The following CCDC178 variants were observed in gnomAD, a reference collection of about 807,000 sequenced individuals.
The protein encoded by CCDC178 is coiled-coil domain-containing protein 178.
In CCDC178, 126 loss-of-function variants were observed where a neutral mutation model predicts 117.4. The ratio of observed to expected loss-of-function variants is 1.07; its 90% CI spans 0.93 to 1.24. The LOEUF is 1.24. Ranked by LOEUF, CCDC178 falls within the 50% of genes most tolerant of loss-of-function variation. CCDC178 has a pLI of 0.00. For synonymous variants in CCDC178, 283 were observed against 313.4 expected, an observed-to-expected ratio of 0.90 and a Z score of 1.02; for missense variants, 1,030 against 986.9, an observed-to-expected ratio of 1.04 and a Z score of -0.59.
chr18:33,436,767 T>G (rs1337760674), intron 2 of CCDC178, among the ~76,000 whole-genome samples: 1 of 152,200 alleles, frequency 6.6e-6, no homozygotes, highest in African/African-American at 2.4e-5. Context: ...TAAAGGCTGG[T>G]AACATAGCTA....
At chr18:33,019,397 G>A (rs191702099) in intron 21 of CCDC178, among the ~76,000 whole-genome samples, 79 of 152,274 alleles carry the variant, frequency 5.2e-4, no homozygotes, top group African/African-American at 1.7e-3. Flanking sequence ...AAACCCAGTT[G>A]AAGAACAGCT....
intron 20 of CCDC178, among the ~76,000 whole-genome samples, chr18:33,137,771 A>T (rs2058147029): frequency 6.6e-6 from 1 of 152,228 alleles, no homozygotes; most frequent in South Asian, 2.1e-4. Context: ...ACCATCACAG[A>T]CATAGCTACT....
intron 2 of CCDC178, among the ~76,000 whole-genome samples, chr18:33,439,510 A>G (rs2064347344): frequency 6.6e-6 from 1 of 152,248 alleles, no homozygotes; most frequent in African/African-American, 2.4e-5. Context: ...GAAGTATTAT[A>G]TATTCAAGAT....
chr18:33,399,722 T>C (rs1425767313), intron 3 of CCDC178, among the ~76,000 whole-genome samples: 1 of 152,160 alleles, frequency 6.6e-6, no homozygotes, highest in Non-Finnish European at 1.5e-5. Context: ...CTTCAGTAAC[T>C]TCCTCCACTG....
At chr18:33,124,326 T>C (rs1187554580) in intron 20 of CCDC178, among the ~76,000 whole-genome samples, 1 of 152,204 alleles carries the variant, frequency 6.6e-6, no homozygotes, top group Non-Finnish European at 1.5e-5. Flanking sequence ...GTTGGTCTCA[T>C]GGCTGCTGGT....
intron 10 of CCDC178, chr18:33,328,114 T>G: frequency 3.4e-6 from 1 of 295,298 alleles, no homozygotes; most frequent in Non-Finnish European, 6.0e-6. Context: ...TTTTTTTTTT[T>G]TTTTTTGAGA....
chr18:33,045,125 A>G (rs1459809068), intron 21 of CCDC178, among the ~76,000 whole-genome samples: 1 of 152,170 alleles, frequency 6.6e-6, no homozygotes, highest in Admixed American at 6.6e-5. Context: ...AGAAATGCAT[A>G]TGTATGTAAG....
At chr18:33,239,775 C>G (rs1053900259) in intron 15 of CCDC178, among the ~76,000 whole-genome samples, 4 of 151,610 alleles carry the variant, frequency 2.6e-5, no homozygotes, top group African/African-American at 9.7e-5. Flanking sequence ...ATGTTAACAA[C>G]CCACTCTCAG....
chr18:33,163,605 T>C (rs1477092374), intron 20 of CCDC178, among the ~76,000 whole-genome samples: 2 of 152,202 alleles, frequency 1.3e-5, no homozygotes, highest in East Asian at 3.8e-4. Context: ...TCAATTCTGC[T>C]CTTCAGTACC....
At chr18:33,354,778 T>A (rs1427375858) in intron 7 of CCDC178, among the ~76,000 whole-genome samples, 1 of 151,968 alleles carries the variant, frequency 6.6e-6, no homozygotes, top group Non-Finnish European at 1.5e-5. Flanking sequence ...GCGCAGCTAA[T>A]TTTTGTATTT....
chr18:33,433,983 A>T (rs750251738), intron 2 of CCDC178, among the ~76,000 whole-genome samples: 3 of 152,170 alleles, frequency 2.0e-5, no homozygotes, highest in Non-Finnish European at 4.4e-5. Context: ...GACTAAGCAA[A>T]GATCTCAATA....
chr18:33,037,972 T>G (rs1483335441), intron 21 of CCDC178, among the ~76,000 whole-genome samples: 1 of 152,002 alleles, frequency 6.6e-6, no homozygotes, highest in African/African-American at 2.4e-5. Flanking sequence ...AATTTGAATT[T>G]CTCTTAATTC....
intron 21 of CCDC178, among the ~76,000 whole-genome samples, chr18:33,067,941 GAA>G (rs1360362626): frequency 1.3e-5 from 2 of 151,556 alleles, no homozygotes; most frequent in Non-Finnish European, 2.9e-5. Context: ...TAGAGACAAA[GAA>G]AAAAAGAGTG....
At chr18:33,039,035 G>T (rs1448904579) in intron 21 of CCDC178, among the ~76,000 whole-genome samples, 1 of 151,898 alleles carries the variant, frequency 6.6e-6, no homozygotes, top group South Asian at 2.1e-4. Flanking sequence ...TATGTATAAA[G>T]TATTTTAAAA....
In CCDC178 at chr18:33,254,542, C is replaced by T. The variant is rs147320487; in HGVS notation, c.1410-9114G>A. Among the ~76,000 whole-genome samples, 23 of 152,030 alleles carry T rather than the reference C, an allele frequency of 1.5e-4. No homozygotes were observed. The East Asian group carries it at 3.9e-3, about 26-fold the overall frequency. On this transcript the variant is annotated intron_variant, in intron 14 of 22. Coordinates refer to ENST00000383096, the MANE Select transcript of CCDC178 (RefSeq NM_001105528.4). ...CATGAAGGAAACAGGAAACAAAAAA[C>T]AGATTCCAGTGCAATAATAAGACAA...
intron 11 of CCDC178, among the ~76,000 whole-genome samples, chr18:33,309,367 C>T (rs1036492861): frequency 3.3e-5 from 5 of 152,054 alleles, no homozygotes; most frequent in African/African-American, 1.2e-4. Context: ...TAATGACTAG[C>T]TTTGTCTAAT....
chr18:33,118,683 A>G (rs1210512924), intron 20 of CCDC178, among the ~76,000 whole-genome samples: 1 of 152,190 alleles, frequency 6.6e-6, no homozygotes, highest in East Asian at 1.9e-4. Context: ...ACAGAATTGG[A>G]AAGAACTGCT....
rs188726272 is a variant in CCDC178, at chr18:33,373,559, C to G, written c.209-3370G>C. ...ACAATTTATATACAAATATTAAGAT[C>G]CATCTTACAAGGTTCCTTGCCTGTG... is the stretch of plus-strand genomic sequence containing the variant. On this transcript the variant is annotated intron_variant, in intron 5 of 22. Coordinates refer to ENST00000383096, the MANE Select transcript of CCDC178 (RefSeq NM_001105528.4). 3.0e-3 allele frequency among the ~76,000 whole-genome samples: 456 copies of G among 152,218 alleles called. 1 individual carries two copies. The highest frequency in any genetic ancestry group is 5.0e-3 in the Non-Finnish European group (339 of 68,032).
chr18:33,038,841 T>C (rs973977181), intron 21 of CCDC178, among the ~76,000 whole-genome samples: 2 of 151,980 alleles, frequency 1.3e-5, no homozygotes, highest in African/African-American at 4.8e-5. Flanking sequence ...AACATCCTTT[T>C]TGTAGGAAAA....
Sources: gnomAD v4.1 joint callset for allele counts (sites outside exome capture counted in the v4.1 genomes callset) on GRCh38, gnomAD v4.1.1 for gene constraint, MANE v1.5 for transcripts, NCBI Gene and HGNC (gene_info 2026-07-23, HGNC 2026-07-21) for gene names.